NDOR1: variants seen among roughly 807,000 people sequenced by gnomAD.
The protein encoded by NDOR1 is NADPH-dependent diflavin oxidoreductase 1.
A neutral mutation model predicts 67.2 loss-of-function variants in NDOR1; 61 were observed. The observed-to-expected ratio is 0.91, with a 90% CI of 0.74 to 1.12. The LOEUF (loss-of-function observed/expected upper bound fraction) is 1.12. NDOR1 is among the 50% of genes most tolerant of loss of function. The probability of loss-of-function intolerance (pLI) is 0.00; values close to 1 mark genes in which losing one functional copy is unlikely to be tolerated. For missense variants in NDOR1, 878 were observed against 802.8 expected (o/e 1.09, Z -1.13); for synonymous variants, 378 against 343.7 (o/e 1.10, Z -1.10).
Position 137,216,813 on chromosome 9 carries a change from C to A in NDOR1, c.*397C>A. ...TGCGCTGCACTCCTCTGCCCTGGGGCCACCTCGGCTGCTGCAGCCTGCCCA... is the reference window on the plus strand; with the variant it reads ...TGCGCTGCACTCCTCTGCCCTGGGGACACCTCGGCTGCTGCAGCCTGCCCA... On this transcript the variant is annotated 3_prime_UTR_variant, in exon 14 of 14. Transcript: ENST00000684003. 4.1e-6 allele frequency: 1 copy of A among 241,926 alleles called. No homozygotes were observed. Among genetic ancestry groups the A allele is most frequent in the Non-Finnish European group, 8.2e-6 (1 of 121,800 alleles). 15.0% of individuals were successfully genotyped at this position (241,926 alleles called of 1,614,324 possible).
chr9:137,206,394 T>TA, intron 2 of NDOR1, 85 bp downstream of exon 2: 1 of 1,357,406 alleles, frequency 7.4e-7, no homozygotes. Flanking sequence ...GTGCAGTAAA[T>TA]AGCTCTCCTT....
In NDOR1 at chr9:137,213,887, G is replaced by A. The variant is rs1835385535; in HGVS notation, c.410+9G>A. On this transcript the variant is annotated intron_variant, in intron 4 of 13. Transcript: ENST00000684003. ...GACCAGCATGAGCTGGGGTGAGTCT[G>A]CGGGCGTGGTACCCGCCTCCACAGT... The A allele has an allele frequency of 6.2e-7, 1 of 1,604,722 alleles. No homozygotes were observed. Among genetic ancestry groups the A allele is most frequent in the Non-Finnish European group, 8.5e-7 (1 of 1,175,604 alleles).
chr9:137,211,051 G>A lies in NDOR1; in HGVS notation c.214-1451G>A, dbSNP rs183901321. Among the ~76,000 whole-genome samples, 14 of 152,364 alleles carry A rather than the reference G, an allele frequency of 9.2e-5. No homozygotes were observed. In the East Asian group the frequency reaches 1.9e-3, roughly 21 times the overall value. Reference sequence around the variant, plus strand: ...AGCTACTTGGGAGGCTGAGGCAGGAGAATCACTTGAACCTGGGAGGCGGAG... The same window carrying A: ...AGCTACTTGGGAGGCTGAGGCAGGAAAATCACTTGAACCTGGGAGGCGGAG... On this transcript the variant is annotated intron_variant, in intron 2 of 13. Transcript: ENST00000684003.
Position 137,216,405 on chromosome 9 carries a change from ACGTGGGCCTGAGGCC to A in NDOR1, c.1786_*6del. 6.2e-7 allele frequency: 1 copy of A among 1,603,878 alleles called. No individual in the cohort carries two copies. The highest frequency in any genetic ancestry group is 8.5e-7 in the Non-Finnish European group (1 of 1,179,074). On this transcript the variant is annotated stop_lost and 3_prime_UTR_variant, in exon 14 of 14. Coordinates refer to ENST00000684003, the MANE Select transcript of NDOR1 (RefSeq NM_014434.4). ...GCAGACACGGCGCTTCCAGACAGAG[ACGTGGGCCTGAGGCC>A]CGCGGCTGCCCGTGCCCCCTCTGAC...
chr9:137,215,382 AC>A (rs1236630590), intron 9 of NDOR1, 24 bp from the exon 10 acceptor site: 2 of 1,057,974 alleles, frequency 1.9e-6, no homozygotes, highest in Non-Finnish European at 1.4e-6. Flanking sequence ...TTGTTCCACC[AC>A]CCCCACCCCG....
At position 137,212,775 on chromosome 9, in the gene NDOR1, C is replaced by T. The variant is rs1453431598; in HGVS notation, c.311+176C>T. 23 of 618,322 alleles carry T rather than the reference C, an allele frequency of 3.7e-5. No individual in the cohort carries two copies. The highest frequency in any genetic ancestry group is 4.4e-4 in the Middle Eastern group (1 of 2,274). The allele number at this position is 618,322 out of a possible 1,614,324, so 38.3% of individuals were successfully genotyped here. A position where few individuals can be genotyped will look rare whatever the true frequency, so the allele number is the denominator to read the frequency against. ...GGTGGGCACCCCAGGCTTCACGCTG[C>T]GGGGAGGGCACAGAGGGGAGCAGGC... On this transcript the variant is annotated intron_variant, in intron 3 of 13. Transcript: ENST00000684003. The surrounding 1 kb of genome is among the most constrained non-coding windows in gnomAD (Gnocchi z 4.3).
Position 137,213,842 on chromosome 9 carries a change from T to C in NDOR1, c.374T>C (p.Leu125Pro). 6.2e-7 allele frequency: 1 copy of C among 1,611,598 alleles called. No homozygotes were observed. The highest frequency in any genetic ancestry group is 8.5e-7 in the Non-Finnish European group (1 of 1,179,330). ...RLLQLGGSALLPVCLGDDQHE... is the reference protein window; with the variant it reads ...RLLQLGGSALPPVCLGDDQHE... The stretch of plus-strand genomic sequence containing the variant: ...CTGCAGCTTGGGGGCAGCGCCCTCC[T>C]GCCCGTGTGCCTGGGCGATGACCAG... The change falls in exon 4 of 14, where the codon CTG becomes CCG. Residue 125 changes from leucine to proline, a missense_variant. Transcript: ENST00000684003.
At position 137,212,564 on chromosome 9, in the gene NDOR1, T is replaced by C. The variant is rs765120926; in HGVS notation, c.276T>C (p.Phe92=). The C allele has an allele frequency of 6.2e-7, 1 of 1,614,098 alleles. No homozygotes were observed. Among genetic ancestry groups the C allele is most frequent in the Admixed American group, 1.7e-5 (1 of 60,018 alleles). ...LPSTALCQMD[F]AVLGLGDSSY... is the part of the protein sequence containing the mutation. ...CCACTGCCCTCTGTCAGATGGACTT[T>C]GCCGTCCTGGGCCTCGGGGACTCCT... is the stretch of plus-strand genomic sequence containing the variant. The change falls in exon 3 of 14, where the codon TTT becomes TTC. Residue 92 remains phenylalanine (F), a synonymous_variant. Coordinates refer to ENST00000684003, the MANE Select transcript of NDOR1 (RefSeq NM_014434.4). This position sits in a 1 kb window ranked among gnomAD's most constrained non-coding sequence, Gnocchi z 4.3.
At chr9:137,213,269 T>G (rs534774839) in intron 3 of NDOR1, among the ~76,000 whole-genome samples, 1 of 152,304 alleles carries the variant, frequency 6.6e-6, no homozygotes, top group East Asian at 1.9e-4. Flanking sequence ...GACACAGTGT[T>G]CGTTCAAGAG....
chr9:137,208,929 GAGT>G (rs966990136), intron 2 of NDOR1, among the ~76,000 whole-genome samples: 6 of 152,142 alleles, frequency 3.9e-5, no homozygotes, highest in Admixed American at 3.9e-4. Flanking sequence ...GCCCAGGCTG[GAGT>G]ACAGTGGCGT....
Position 137,218,496 on chromosome 9 carries a change from C to T in NDOR1, c.*2080C>T, listed in dbSNP as rs867217026. 34 of 398,332 alleles carry T rather than the reference C, an allele frequency of 8.5e-5. No individual in the cohort carries two copies. Among genetic ancestry groups the T allele is most frequent in the Middle Eastern group, 6.2e-4 (1 of 1,614 alleles). 24.7% of individuals were successfully genotyped at this position (398,332 alleles called of 1,614,324 possible). A position where few individuals can be genotyped will look rare whatever the true frequency, so the allele number is the denominator to read the frequency against. On this transcript the variant is annotated 3_prime_UTR_variant, in exon 14 of 14. Coordinates refer to ENST00000684003, the MANE Select transcript of NDOR1 (RefSeq NM_014434.4). ...CGGGGACCCTGTGCCCGCCGCCTGGCGCTGCTGAGCCTGCTGGCCCTTGAG... is the reference window on the plus strand; with the variant it reads ...CGGGGACCCTGTGCCCGCCGCCTGGTGCTGCTGAGCCTGCTGGCCCTTGAG...
chr9:137,216,434 G>C lies in NDOR1; in HGVS notation c.*18G>C. The C allele has an allele frequency of 1.3e-6, 2 of 1,589,184 alleles. No homozygotes were observed. The highest frequency in any genetic ancestry group is 2.2e-5 in the South Asian group (2 of 90,638). ...GGGCCTGAGGCCCGCGGCTGCCCGT[G>C]CCCCCTCTGACAGCCATCCTCCTGG... On this transcript the variant is annotated 3_prime_UTR_variant, in exon 14 of 14. Transcript: ENST00000684003.
chr9:137,215,534 C>G lies in NDOR1; in HGVS notation c.1288+13C>G. Reference sequence around the variant, plus strand: ...GACCCTGGGCAAGGTGACCCCTGCTCCCAGGGTGGGGGCCGTGGGCCCATA... The same window carrying G: ...GACCCTGGGCAAGGTGACCCCTGCTGCCAGGGTGGGGGCCGTGGGCCCATA... On this transcript the variant is annotated intron_variant, in intron 10 of 13. Transcript: ENST00000684003. 1 of 1,612,772 alleles carries G rather than the reference C, an allele frequency of 6.2e-7. No individual in the cohort carries two copies. The highest frequency in any genetic ancestry group is 8.5e-7 in the Non-Finnish European group (1 of 1,179,686).
intron 2 of NDOR1, among the ~76,000 whole-genome samples, chr9:137,210,537 A>G (rs1835204768): frequency 6.6e-6 from 1 of 152,140 alleles, no homozygotes; most frequent in Non-Finnish European, 1.5e-5. Context: ...TGGACATGAA[A>G]AAACTTTAAA....
chr9:137,206,096 AAGAG>A, intron 1 of NDOR1, 132 bp from the exon 2 acceptor site: 1 of 1,437,582 alleles, frequency 7.0e-7, no homozygotes, highest in Non-Finnish European at 9.7e-7. Flanking sequence ...TGGAACCTGA[AAGAG>A]AAGACGGTCT....
intron 2 of NDOR1, among the ~76,000 whole-genome samples, chr9:137,211,121 A>G (rs1466736231): frequency 6.6e-6 from 1 of 152,266 alleles, no homozygotes; most frequent in Non-Finnish European, 1.5e-5. Flanking sequence ...AGCCTGGGCT[A>G]CAGAGTGAGA....
chr9:137,218,258 C>T lies in NDOR1; in HGVS notation c.*1842C>T, dbSNP rs959188370. The T allele has an allele frequency of 2.0e-5, 8 of 398,212 alleles. No individual in the cohort carries two copies. The highest frequency in any genetic ancestry group is 2.7e-5 in the Non-Finnish European group (6 of 225,844). 24.7% of individuals were successfully genotyped at this position (398,212 alleles called of 1,614,324 possible). A position where few individuals can be genotyped will look rare whatever the true frequency, so the allele number is the denominator to read the frequency against. The stretch of plus-strand genomic sequence containing the variant: ...GCCCGTGCTGGAATGGGAGATCTGC[C>T]GGCTACAGGAGGAGCTGCTACAGGC... On this transcript the variant is annotated 3_prime_UTR_variant, in exon 14 of 14. Coordinates refer to ENST00000684003, the MANE Select transcript of NDOR1 (RefSeq NM_014434.4).
chr9:137,214,722 T>C lies in NDOR1; in HGVS notation c.844+31T>C, dbSNP rs779882998. 14 of 1,599,082 alleles carry C rather than the reference T, an allele frequency of 8.8e-6. No individual in the cohort carries two copies. In the South Asian group the frequency reaches 1.3e-4, roughly 15 times the overall value. On this transcript the variant is annotated intron_variant, in intron 7 of 13. Coordinates refer to ENST00000684003, the MANE Select transcript of NDOR1 (RefSeq NM_014434.4). ...CCCAGCCTCGGCCACCCTGACTCTC[T>C]GCCCTCTCCCGTGCCCTGGGCCCCC...
Position 137,216,189 on chromosome 9 carries a change from G to A in NDOR1, c.1649+1G>A. 6.2e-7 allele frequency: 1 copy of A among 1,613,440 alleles called. No homozygotes were observed. The highest frequency in any genetic ancestry group is 8.5e-7 in the Non-Finnish European group (1 of 1,180,020). ...AGGGTGCATACTTCTACCTGGCAGGGTGAGCTGGCCTGCGTGCAGCAGGAG... is the reference window on the plus strand; with the variant it reads ...AGGGTGCATACTTCTACCTGGCAGGATGAGCTGGCCTGCGTGCAGCAGGAG... On this transcript the variant is annotated splice_donor_variant, in intron 13 of 13. Coordinates refer to ENST00000684003, the MANE Select transcript of NDOR1 (RefSeq NM_014434.4). LOFTEE classifies it high-confidence loss of function.
Sources: allele counts gnomAD v4.1 joint callset (sites outside exome capture counted in the v4.1 genomes callset), GRCh38; gene constraint gnomAD v4.1.1; non-coding constraint Gnocchi (gnomAD v3.1); transcripts MANE v1.5; gene names NCBI Gene and HGNC (gene_info 2026-07-23, HGNC 2026-07-21).